SINHCAF: variants seen among roughly 807,000 people sequenced by gnomAD.
SINHCAF encodes SIN3-HDAC complex-associated factor.
A neutral mutation model predicts 25.8 loss-of-function variants in SINHCAF; 3 were observed. The ratio of observed to expected loss-of-function variants is 0.12; its 90% confidence interval spans 0.05 to 0.30. The LOEUF (loss-of-function observed/expected upper bound fraction) is 0.30, where lower values mean the gene tolerates loss of function less well. SINHCAF is among the 10% of genes least tolerant of loss of function. SINHCAF has a pLI of 1.00. For synonymous variants in SINHCAF, 70 were observed against 85.5 expected (o/e 0.82, Z 1.00); for missense variants, 121 against 262.3 (o/e 0.46, Z 3.72).
intron 1 of SINHCAF, among the ~76,000 whole-genome samples, chr12:31,299,715 T>C (rs182769828): frequency 8.5e-4 from 129 of 152,282 alleles, no homozygotes; most frequent in African/African-American, 3.0e-3. Flanking sequence ...CTTAGATGAG[T>C]AAACCTAAAG....
chr12:31,284,597 C>G (rs1314171690), intron 5 of SINHCAF, among the ~76,000 whole-genome samples: 1 of 152,074 alleles, frequency 6.6e-6, no homozygotes, highest in Non-Finnish European at 1.5e-5. Context: ...TACTTTAATG[C>G]ATCTGTAATT....
intron 4 of SINHCAF, among the ~76,000 whole-genome samples, chr12:31,293,189 A>G (rs1198406179): frequency 2.0e-5 from 3 of 152,238 alleles, no homozygotes. Flanking sequence ...CAATAACATT[A>G]TATGCAGTGT....
rs905888359 is a variant in SINHCAF at position 31,324,423 on chromosome 12, G to T, written c.-21+1601C>A. 1.3e-5 allele frequency: 2 copies of T among 158,970 alleles called. No homozygotes were observed. Among genetic ancestry groups the T allele is most frequent in the Non-Finnish European group, 2.7e-5 (2 of 73,558 alleles). The allele number at this position is 158,970 out of a possible 1,614,324, so 9.8% of individuals were successfully genotyped here. A position where few individuals can be genotyped will look rare whatever the true frequency, so the allele number is the denominator to read the frequency against. On this transcript the variant is annotated intron_variant, in intron 1 of 5. Transcript: ENST00000337682. The surrounding 1 kb of genome is among the most constrained non-coding windows in gnomAD (Gnocchi z 5.5). ...CAGGGCTGAAGCGCCGGGCACTGCC[G>T]CCTCCCTCGGTCGCCCGCCCGCACG...
chr12:31,306,376 A>G (rs150696513), intron 1 of SINHCAF, among the ~76,000 whole-genome samples: 9 of 152,250 alleles, frequency 5.9e-5, no homozygotes, highest in East Asian at 3.9e-4. Flanking sequence ...TTATAATAGG[A>G]TATCATTTTA....
At chr12:31,290,496 T>A (rs117108702) in intron 4 of SINHCAF, among the ~76,000 whole-genome samples, 1,744 of 152,244 alleles carry the variant, frequency 0.011, 17 homozygotes, top group East Asian at 0.037. Flanking sequence ...AAATTAGGTA[T>A]CTAAAAGAAA....
intron 5 of SINHCAF, among the ~76,000 whole-genome samples, chr12:31,283,944 T>C (rs1032679006): frequency 9.2e-5 from 14 of 152,000 alleles, no homozygotes; most frequent in African/African-American, 3.4e-4. Flanking sequence ...TCCATACATA[T>C]TGTTATAGAG....
At chr12:31,303,680 TAAGAG>T (rs1938900235) in intron 1 of SINHCAF, 1 of 152,160 alleles carries the variant, frequency 6.6e-6, no homozygotes, top group African/African-American at 2.4e-5. Flanking sequence ...TAAGTGATAG[TAAGAG>T]AAGTAGGATA....
intron 5 of SINHCAF, among the ~76,000 whole-genome samples, chr12:31,285,418 T>TACACATACACACACACACACAC (rs1555110958): frequency 7.1e-6 from 1 of 141,356 alleles, no homozygotes; most frequent in Non-Finnish European, 1.5e-5. Context: ...TATATATACA[T>TACACATACACACACACACACAC]ACACACACAC....
intron 5 of SINHCAF, among the ~76,000 whole-genome samples, chr12:31,284,666 C>G (rs370227629): frequency 6.6e-6 from 1 of 152,078 alleles, no homozygotes; most frequent in Non-Finnish European, 1.5e-5. Context: ...CATGAATAAC[C>G]ATGTTGTTCT....
chr12:31,296,338 G>GT (rs1271593840), intron 2 of SINHCAF, among the ~76,000 whole-genome samples: 1 of 151,740 alleles, frequency 6.6e-6, no homozygotes, highest in African/African-American at 2.4e-5. Flanking sequence ...GCTAATTTTT[G>GT]TATTTTTTGT....
intron 1 of SINHCAF, among the ~76,000 whole-genome samples, chr12:31,307,367 G>A (rs1939073765): frequency 1.3e-5 from 2 of 152,078 alleles, no homozygotes; most frequent in Non-Finnish European, 2.9e-5. Flanking sequence ...ACCAGCCTGG[G>A]CAACATGGTA....
chr12:31,315,017 G>C (rs886192482), intron 1 of SINHCAF, among the ~76,000 whole-genome samples: 1 of 152,218 alleles, frequency 6.6e-6, no homozygotes, highest in African/African-American at 2.4e-5. Context: ...ACTAAGTCAG[G>C]AGGTGTTCTG....
intron 1 of SINHCAF, among the ~76,000 whole-genome samples, chr12:31,321,471 C>T (rs1378902847): frequency 6.6e-6 from 1 of 152,160 alleles, no homozygotes; most frequent in East Asian, 1.9e-4. Context: ...CTGACACAGG[C>T]CTCAGTTTTA....
chr12:31,310,273 G>C (rs1368133303), intron 1 of SINHCAF, among the ~76,000 whole-genome samples: 1 of 152,162 alleles, frequency 6.6e-6, no homozygotes, highest in African/African-American at 2.4e-5. Context: ...TCATTCCTCT[G>C]AGAAATGGGG....
intron 1 of SINHCAF, among the ~76,000 whole-genome samples, chr12:31,319,454 G>C (rs1435413482): frequency 6.6e-6 from 1 of 152,182 alleles, no homozygotes; most frequent in Non-Finnish European, 1.5e-5. Flanking sequence ...CCTGAACCCA[G>C]AGGCAGAGGT....
chr12:31,285,405 T>TTATA (rs908231315), intron 5 of SINHCAF, among the ~76,000 whole-genome samples: 6 of 75,868 alleles, frequency 7.9e-5, no homozygotes, highest in Admixed American at 2.8e-4. Context: ...AGACATATAT[T>TTATA]TATATATATA....
chr12:31,315,357 A>C (rs1365634490), intron 1 of SINHCAF, among the ~76,000 whole-genome samples: 4 of 152,242 alleles, frequency 2.6e-5, no homozygotes, highest in Admixed American at 6.5e-5. Flanking sequence ...GTTTACAACC[A>C]GTATCTGTCA....
At chr12:31,300,672 T>C (rs956465902) in intron 1 of SINHCAF, among the ~76,000 whole-genome samples, 2 of 152,140 alleles carry the variant, frequency 1.3e-5, no homozygotes, top group African/African-American at 2.4e-5. Context: ...CAATGTCAAA[T>C]GACAGAAGAT....
chr12:31,313,625 G>C (rs1375598072), intron 1 of SINHCAF, among the ~76,000 whole-genome samples: 1 of 152,164 alleles, frequency 6.6e-6, no homozygotes, highest in Non-Finnish European at 1.5e-5. Context: ...GGGTGTATAT[G>C]TGTAATTAAA....
Sources: allele counts gnomAD v4.1 joint callset (sites outside exome capture counted in the v4.1 genomes callset), GRCh38; gene constraint gnomAD v4.1.1; non-coding constraint Gnocchi (gnomAD v3.1); transcripts MANE v1.5; gene names NCBI Gene and HGNC (gene_info 2026-07-23, HGNC 2026-07-21).